The following NDST1 variants were observed in gnomAD, a reference collection of about 807,000 sequenced individuals.
NDST1 encodes the protein bifunctional heparan sulfate N-deacetylase/N-sulfotransferase 1.
A neutral mutation model predicts 92.8 loss-of-function variants in NDST1; 35 were observed. That is an observed-to-expected ratio of 0.38 (90% CI 0.29 to 0.50). The LOEUF (loss-of-function observed/expected upper bound fraction) is 0.50. Ranked by LOEUF, NDST1 falls within the 20% of genes least tolerant of loss-of-function variation. The pLI, the probability that NDST1 is intolerant of heterozygous loss-of-function variation, is 0.94. For synonymous variants in NDST1, 493 were observed against 500.3 expected, an observed-to-expected ratio of 0.99 and a Z score of 0.19; for missense variants, 822 against 1,182.7, an observed-to-expected ratio of 0.69 and a Z score of 4.47.
At chr5:150,525,675 A>G (rs958543693) in intron 2 of NDST1, among the ~76,000 whole-genome samples, 1 of 152,174 alleles carries the variant, frequency 6.6e-6, no homozygotes, top group Admixed American at 6.5e-5. Context: ...CTTTTTGGGA[A>G]TTAGAGGAGA....
upstream of NDST1, among the ~76,000 whole-genome samples, chr5:150,505,646 T>C (rs554708775): frequency 1.3e-5 from 2 of 152,346 alleles, no homozygotes; most frequent in Admixed American, 1.3e-4. Flanking sequence ...GGCAGGAAGC[T>C]GGGGCCACTG....
chr5:150,518,331 T>C (rs1252155712), intron 1 of NDST1, among the ~76,000 whole-genome samples: 1 of 150,292 alleles, frequency 6.7e-6, no homozygotes, highest in African/African-American at 2.4e-5. Context: ...TCCCCCTGCA[T>C]TGCAGATGCC....
At chr5:150,516,017 C>T (rs947418085) in intron 1 of NDST1, among the ~76,000 whole-genome samples, 2 of 140,050 alleles carry the variant, frequency 1.4e-5, no homozygotes, top group Non-Finnish European at 3.1e-5. Flanking sequence ...GGCTACCTTG[C>T]TCTCCCTCTG....
intron 10 of NDST1, among the ~76,000 whole-genome samples, chr5:150,543,270 T>A (rs1259535145): frequency 6.6e-6 from 1 of 152,180 alleles, no homozygotes. Flanking sequence ...AGGAGAAGGG[T>A]TTGCCCAGGG....
In NDST1 at chr5:150,508,435, C is replaced by T. The variant is rs535625057; in HGVS notation, c.-388+209C>T. 1.7e-3 allele frequency among the ~76,000 whole-genome samples: 266 copies of T among 152,160 alleles called. 2 individuals are homozygous for T. The highest frequency in any genetic ancestry group is 5.6e-3 in the African/African-American group (234 of 41,494). On this transcript the variant is annotated intron_variant, in intron 1 of 14. Transcript: ENST00000261797. Reference sequence around the variant, plus strand: ...TTCATTCCAGATCAGAAGCAGCTCCCGGAACTGCCCCAGGGAGAGGTCTAG... The same window carrying T: ...TTCATTCCAGATCAGAAGCAGCTCCTGGAACTGCCCCAGGGAGAGGTCTAG...
At chr5:150,530,665 C>A (rs1024780224) in intron 3 of NDST1, among the ~76,000 whole-genome samples, 1 of 149,318 alleles carries the variant, frequency 6.7e-6, no homozygotes, top group Non-Finnish European at 1.5e-5. Context: ...CACAAGCAAT[C>A]CTCCCACCTC....
chr5:150,556,215 C>T lies in NDST1; in HGVS notation c.*2883C>T, dbSNP rs1352263292. The T allele has an allele frequency of 6.6e-6, 1 of 152,296 alleles. No homozygotes were observed. The highest frequency in any genetic ancestry group is 2.4e-5 in the African/African-American group (1 of 41,458). The allele number at this position is 152,296 out of a possible 1,614,324, so 9.4% of individuals were successfully genotyped here. A position where few individuals can be genotyped will look rare whatever the true frequency, so the allele number is the denominator to read the frequency against. ...TCCATCGTCTATTCTGTGGTCCCCTCCATGAGCCTTTGCCCCAGGGTGGGT... is the reference window on the plus strand; with the variant it reads ...TCCATCGTCTATTCTGTGGTCCCCTTCATGAGCCTTTGCCCCAGGGTGGGT... On this transcript the variant is annotated 3_prime_UTR_variant, in exon 15 of 15. Transcript: ENST00000261797.
At chr5:150,506,833 C>A (rs2151244864), upstream of NDST1, among the ~76,000 whole-genome samples, 1 of 152,310 alleles carries the variant, frequency 6.6e-6, no homozygotes. Context: ...TTCATGTGGG[C>A]CCTCGGTGAA....
chr5:150,522,963 G>A (rs567360240), intron 2 of NDST1, among the ~76,000 whole-genome samples: 3 of 152,338 alleles, frequency 2.0e-5, no homozygotes, highest in South Asian at 4.1e-4. Flanking sequence ...GCGGGAGATG[G>A]GTCAGAAGTG....
chr5:150,531,175 AAATAATACC>A (rs1754714619), intron 3 of NDST1, among the ~76,000 whole-genome samples: 2 of 152,202 alleles, frequency 1.3e-5, no homozygotes, highest in Admixed American at 1.3e-4. Context: ...AGCGCAATTT[AAATAATACC>A]AATAGCAGCT....
In NDST1 at chr5:150,532,193, A is replaced by T. The variant is rs1754773729; in HGVS notation, c.1009-752A>T. Among the ~76,000 whole-genome samples the T allele has an allele frequency of 2.0e-5, 3 of 152,036 alleles. No individual in the cohort carries two copies. The South Asian group carries it at 6.2e-4, about 32-fold the overall frequency. On this transcript the variant is annotated intron_variant, in intron 3 of 14. Transcript: ENST00000261797. ...TACAGTTGGACCTGTGTTGGATTCT[A>T]ACTGCTGGGCTCAAGCAATCCTCCT...
chr5:150,515,530 G>C (rs981555314), intron 1 of NDST1, among the ~76,000 whole-genome samples: 2 of 152,176 alleles, frequency 1.3e-5, no homozygotes, highest in African/African-American at 4.8e-5. Context: ...GACTTCAGAG[G>C]GGTCATGACT....
intron 1 of NDST1, among the ~76,000 whole-genome samples, chr5:150,516,372 T>TG (rs1753966430): frequency 6.6e-6 from 1 of 152,170 alleles, no homozygotes; most frequent in South Asian, 2.1e-4. Flanking sequence ...GCAACAGGGG[T>TG]GCGTGATAAC....
In NDST1 at chr5:150,541,686, A is replaced by C. The variant is rs1581400236; in HGVS notation, c.1846+20A>C. On this transcript the variant is annotated intron_variant, in intron 9 of 14. Coordinates refer to ENST00000261797, the MANE Select transcript of NDST1 (RefSeq NM_001543.5). ...AAACAGGCAGGTCTCTCTGCTCTTG[A>C]CCGAGCTTCCCCAACTGCCTGCTGT... is the stretch of plus-strand genomic sequence containing the variant. 1 of 1,611,060 alleles carries C rather than the reference A, an allele frequency of 6.2e-7. No individual in the cohort carries two copies. The highest frequency in any genetic ancestry group is 8.5e-7 in the Non-Finnish European group (1 of 1,177,336).
chr5:150,539,453 G>A, intron 7 of NDST1, 97 bp downstream of exon 7: 1 of 1,604,366 alleles, frequency 6.2e-7, no homozygotes, highest in South Asian at 1.1e-5. Context: ...AAAGGGTGGA[G>A]AGGCATGAGT....
intron 3 of NDST1, among the ~76,000 whole-genome samples, chr5:150,532,607 A>T (rs1301289573): frequency 6.6e-6 from 1 of 151,182 alleles, no homozygotes; most frequent in Non-Finnish European, 1.5e-5. Context: ...GGCTCACTGC[A>T]CCTCCGCCTC....
At chr5:150,548,084 A>C in intron 11 of NDST1, 134 bp from the exon 12 acceptor site, 1 of 984,324 alleles carries the variant, frequency 1.0e-6, no homozygotes, top group Non-Finnish European at 1.6e-6. Flanking sequence ...AGTGAGAGGC[A>C]GAGCCAGGAC....
chr5:150,537,791 G>A (rs1240896911), intron 6 of NDST1, among the ~76,000 whole-genome samples: 2 of 152,184 alleles, frequency 1.3e-5, no homozygotes, highest in East Asian at 3.8e-4. Flanking sequence ...TTTGTGACTT[G>A]GGGGTCATCA....
In NDST1 at chr5:150,501,909, G is replaced by A. The variant is rs566032293; in HGVS notation, c.-388+3670G>A. On this transcript the variant is annotated intron_variant, in intron 1 of 1. Coordinates refer to the NDST1 transcript ENST00000518299. ...TCCCTGGTGAGGGGCAGTAGACTCCGGGAGGGTGGCCCACGGGAAATTGAG... is the reference window on the plus strand; with the variant it reads ...TCCCTGGTGAGGGGCAGTAGACTCCAGGAGGGTGGCCCACGGGAAATTGAG... Among the ~76,000 whole-genome samples the A allele has an allele frequency of 8.7e-4, 133 of 152,308 alleles. 1 individual carries two copies. The highest frequency in any genetic ancestry group is 2.9e-3 in the South Asian group (14 of 4,826).
Sources: allele counts gnomAD v4.1 joint callset (sites outside exome capture counted in the v4.1 genomes callset), GRCh38; gene constraint gnomAD v4.1.1; transcripts MANE v1.5; gene names NCBI Gene and HGNC (gene_info 2026-07-23, HGNC 2026-07-21).